Variants in SGCZ observed in about 807,000 individuals in gnomAD.
SGCZ encodes the protein sarcoglycan zeta.
SGCZ carries 40 observed loss-of-function variants against 41.3 expected under a neutral mutation model. The ratio of observed to expected loss-of-function variants is 0.97; its 90% CI spans 0.75 to 1.26. SGCZ has a LOEUF of 1.26. Ranked by LOEUF, SGCZ falls within the 50% of genes most tolerant of loss-of-function variation. The probability of loss-of-function intolerance (pLI) is 0.00; values close to 1 mark genes in which losing one functional copy is unlikely to be tolerated. For synonymous variants in SGCZ, 206 were observed against 137.5 expected, an observed-to-expected ratio of 1.50 and a Z score of -3.49; for missense variants, 552 against 369.8, an observed-to-expected ratio of 1.49 and a Z score of -4.04.
chr8:14,962,650 T>C (rs1176682534), intron 1 of SGCZ, among the ~76,000 whole-genome samples: 1 of 152,118 alleles, frequency 6.6e-6, no homozygotes, highest in East Asian at 1.9e-4. Flanking sequence ...GTAAGGAAAG[T>C]AACACAGTCA....
At chr8:14,602,688 T>C (rs1805631312) in intron 1 of SGCZ, among the ~76,000 whole-genome samples, 1 of 152,212 alleles carries the variant, frequency 6.6e-6, no homozygotes, top group Admixed American at 6.5e-5. Context: ...TTCTCTATGC[T>C]TCTCTGGCAG....
chr8:14,186,138 G>T (rs189151679), intron 4 of SGCZ, among the ~76,000 whole-genome samples: 1 of 152,136 alleles, frequency 6.6e-6, no homozygotes, highest in African/African-American at 2.4e-5. Flanking sequence ...CTTGTCTCAG[G>T]TTCCTTTTCT....
intron 2 of SGCZ, among the ~76,000 whole-genome samples, chr8:14,468,595 A>G (rs897018165): frequency 1.3e-5 from 2 of 152,126 alleles, no homozygotes; most frequent in Non-Finnish European, 2.9e-5. Context: ...GACTTAACGT[A>G]TTTAAATTTT....
chr8:14,927,335 T>C (rs769371834), intron 1 of SGCZ, among the ~76,000 whole-genome samples: 2 of 151,796 alleles, frequency 1.3e-5, no homozygotes, highest in Non-Finnish European at 2.9e-5. Flanking sequence ...GGTGTCGATT[T>C]CCTGTCCTTG....
intron 1 of SGCZ, among the ~76,000 whole-genome samples, chr8:14,829,657 C>A (rs1349007014): frequency 2.0e-5 from 3 of 151,494 alleles, no homozygotes; most frequent in Non-Finnish European, 4.4e-5. Context: ...CTACAATATA[C>A]ATTAGTCCGT....
At chr8:15,165,356 T>G (rs939994147) in intron 1 of SGCZ, among the ~76,000 whole-genome samples, 5 of 152,132 alleles carry the variant, frequency 3.3e-5, no homozygotes, top group African/African-American at 1.2e-4. Context: ...ACCTTTCAGT[T>G]CACGTGACTT....
intron 1 of SGCZ, among the ~76,000 whole-genome samples, chr8:14,577,387 T>C (rs1356665076): frequency 2.1e-5 from 3 of 145,132 alleles, no homozygotes; most frequent in Non-Finnish European, 4.6e-5. Flanking sequence ...AATATATCTT[T>C]TTTTTTTTTT....
chr8:15,107,717 C>T (rs908171977), intron 1 of SGCZ, among the ~76,000 whole-genome samples: 4 of 152,100 alleles, frequency 2.6e-5, no homozygotes, highest in African/African-American at 4.8e-5. Context: ...CAACACAAAA[C>T]GGATTAAGAC....
At chr8:14,191,253 T>G (rs966736795) in intron 4 of SGCZ, among the ~76,000 whole-genome samples, 1 of 152,212 alleles carries the variant, frequency 6.6e-6, no homozygotes, top group Non-Finnish European at 1.5e-5. Flanking sequence ...ATCAGTTACA[T>G]AGTCCAAATA....
At chr8:14,750,936 C>A (rs1167678539) in intron 1 of SGCZ, among the ~76,000 whole-genome samples, 1 of 152,096 alleles carries the variant, frequency 6.6e-6, no homozygotes, top group Non-Finnish European at 1.5e-5. Flanking sequence ...AGTCAGAAAG[C>A]AATCAGGCTG....
chr8:14,630,119 C>A (rs1175289378), intron 1 of SGCZ, among the ~76,000 whole-genome samples: 1 of 152,072 alleles, frequency 6.6e-6, no homozygotes. Flanking sequence ...TGCCTCATCC[C>A]TTATTTACTT....
chr8:14,870,223 A>G (rs977288708), intron 1 of SGCZ, among the ~76,000 whole-genome samples: 2 of 152,164 alleles, frequency 1.3e-5, no homozygotes, highest in African/African-American at 4.8e-5. Flanking sequence ...ACCAGAACAG[A>G]TAGATAGACC....
intron 2 of SGCZ, among the ~76,000 whole-genome samples, chr8:14,334,709 T>G (rs1802452194): frequency 6.6e-6 from 1 of 152,138 alleles, no homozygotes; most frequent in South Asian, 2.1e-4. Flanking sequence ...AACTCTAGTT[T>G]GGAGTGCTTA....
intron 1 of SGCZ, among the ~76,000 whole-genome samples, chr8:14,945,421 AG>A (rs1800410124): frequency 6.6e-6 from 1 of 152,070 alleles, no homozygotes; most frequent in African/African-American, 2.4e-5. Context: ...TATTACTCTA[AG>A]GCCTCTGTGC....
chr8:14,124,366 A>T (rs1303510075), intron 5 of SGCZ, among the ~76,000 whole-genome samples: 1 of 152,082 alleles, frequency 6.6e-6, no homozygotes, highest in East Asian at 1.9e-4. Context: ...TGGCAATTTT[A>T]TCCAACTTAT....
intron 2 of SGCZ, among the ~76,000 whole-genome samples, chr8:14,476,686 A>G (rs1325017710): frequency 4.6e-5 from 7 of 152,162 alleles, no homozygotes; most frequent in Admixed American, 2.6e-4. Context: ...GTATGCTAAT[A>G]CACTGATTCT....
In SGCZ at chr8:15,177,298, G is replaced by A. The variant is rs559800128; in HGVS notation, c.39+60287C>T. ...ATTATGCCAAGAGACAGTAGGCAGTGGAACGTCCCACCTACAGCAGCTGAT... is the reference window on the plus strand; with the variant it reads ...ATTATGCCAAGAGACAGTAGGCAGTAGAACGTCCCACCTACAGCAGCTGAT... On this transcript the variant is annotated intron_variant, in intron 1 of 7. Transcript: ENST00000382080. Among the ~76,000 whole-genome samples the A allele has an allele frequency of 5.9e-5, 9 of 152,302 alleles. No individual in the cohort carries two copies. The South Asian group carries it at 1.9e-3, about 32-fold the overall frequency.
intron 1 of SGCZ, among the ~76,000 whole-genome samples, chr8:14,919,872 C>G (rs973430590): frequency 2.6e-5 from 4 of 152,126 alleles, no homozygotes; most frequent in African/African-American, 7.2e-5. Flanking sequence ...GAGCCAAGAT[C>G]ACGCCACTGC....
At chr8:14,595,456 G>C (rs908685094) in intron 1 of SGCZ, among the ~76,000 whole-genome samples, 38 of 148,678 alleles carry the variant, frequency 2.6e-4, no homozygotes, top group Middle Eastern at 3.6e-3. Context: ...GTACTGATGG[G>C]TGGCTGGAAA....
Sources: gnomAD v4.1 joint callset for allele counts (sites outside exome capture counted in the v4.1 genomes callset) on GRCh38, gnomAD v4.1.1 for gene constraint, MANE v1.5 for transcripts, NCBI Gene and HGNC (gene_info 2026-07-23, HGNC 2026-07-21) for gene names.